The following CTCF variants were observed in gnomAD, a reference collection of about 807,000 sequenced individuals.
CTCF encodes transcriptional repressor CTCF.
Under a neutral mutation model 72.3 loss-of-function variants are expected in CTCF, and 7 were observed. The ratio of observed to expected loss-of-function variants is 0.10; its 90% confidence interval spans 0.06 to 0.18. CTCF has a LOEUF of 0.18. Among genes scored for constraint, CTCF ranks in the 10% least tolerant of loss-of-function variants. The pLI is 1.00. For missense variants in CTCF, 516 were observed against 949.1 expected (o/e 0.54, Z 6.00); for synonymous variants, 374 against 315.8 (o/e 1.18, Z -1.95).
intron 2 of CTCF, among the ~76,000 whole-genome samples, chr16:67,595,470 A>T (rs146703178): frequency 7.9e-5 from 12 of 152,188 alleles, no homozygotes; most frequent in African/African-American, 2.9e-4. Flanking sequence ...AAAGGTTTAG[A>T]TAAGATTAGA....
intron 2 of CTCF, among the ~76,000 whole-genome samples, chr16:67,584,264 G>A (rs2051630126): frequency 6.6e-6 from 1 of 150,844 alleles, no homozygotes; most frequent in East Asian, 2.0e-4. Context: ...GGAGGTTGCA[G>A]TGAGCTGAGA....
intron 2 of CTCF, among the ~76,000 whole-genome samples, chr16:67,604,740 T>G (rs61439082): frequency 0.064 from 8,104 of 125,966 alleles, 398 homozygotes; most frequent in East Asian, 0.24. Flanking sequence ...GTTTTTTTTT[T>G]TTTTGTTTTT....
At chr16:67,626,222 G>A (rs1178041133) in intron 7 of CTCF, among the ~76,000 whole-genome samples, 5 of 151,826 alleles carry the variant, frequency 3.3e-5, no homozygotes, top group Non-Finnish European at 7.4e-5. Flanking sequence ...GGCAGATCAC[G>A]AGGTCAGGAG....
intron 4 of CTCF, among the ~76,000 whole-genome samples, chr16:67,612,884 G>T (rs1175087758): frequency 6.6e-6 from 1 of 152,142 alleles, no homozygotes; most frequent in East Asian, 1.9e-4. Flanking sequence ...ACTGCAATGA[G>T]CTGAGATAGT....
intron 2 of CTCF, among the ~76,000 whole-genome samples, chr16:67,603,796 G>A (rs1442541474): frequency 1.3e-5 from 2 of 149,138 alleles, no homozygotes; most frequent in Admixed American, 6.7e-5. Context: ...CTGCACTTCA[G>A]CCTGGGCAAC....
intron 2 of CTCF, 48 bp downstream of exon 2, chr16:67,571,312 A>G (rs902525103): frequency 6.6e-5 from 10 of 152,472 alleles, no homozygotes; most frequent in African/African-American, 2.4e-4. Context: ...TAGTAATATA[A>G]CCCTCCTGGA....
At chr16:67,562,886 G>A (rs1201541725) in intron 1 of CTCF, among the ~76,000 whole-genome samples, 162 bp downstream of exon 1, 1 of 147,430 alleles carries the variant, frequency 6.8e-6, no homozygotes, top group African/African-American at 2.5e-5. Context: ...GCCATTGCCC[G>A]TCGCCGCCGT....
At chr16:67,584,960 A>G (rs1454538591) in intron 2 of CTCF, among the ~76,000 whole-genome samples, 1 of 152,184 alleles carries the variant, frequency 6.6e-6, no homozygotes, top group Non-Finnish European at 1.5e-5. Flanking sequence ...TGACAGAAAA[A>G]CATGCATCAA....
chr16:67,567,056 G>A (rs1317996207), intron 1 of CTCF, among the ~76,000 whole-genome samples: 2 of 151,880 alleles, frequency 1.3e-5, no homozygotes, highest in African/African-American at 2.4e-5. Flanking sequence ...TGCCTAGGCT[G>A]GTCTCAAACT....
chr16:67,607,271 G>T (rs1030458645), intron 2 of CTCF, among the ~76,000 whole-genome samples: 1 of 150,938 alleles, frequency 6.6e-6, no homozygotes, highest in Non-Finnish European at 1.5e-5. Flanking sequence ...TTTTACTCTT[G>T]TTTAGGTAAT....
At chr16:67,599,750 G>A (rs1302703545) in intron 2 of CTCF, among the ~76,000 whole-genome samples, 5 of 152,316 alleles carry the variant, frequency 3.3e-5, no homozygotes, top group African/African-American at 7.2e-5. Context: ...CAGTCCGGAC[G>A]ACTAAACCAC....
intron 1 of CTCF, among the ~76,000 whole-genome samples, chr16:67,565,955 A>G (rs1395959644): frequency 6.6e-6 from 1 of 152,060 alleles, no homozygotes; most frequent in East Asian, 1.9e-4. Flanking sequence ...GCCAAAAGTC[A>G]CCTCTAGAGA....
intron 2 of CTCF, among the ~76,000 whole-genome samples, chr16:67,590,436 A>G (rs1166668347): frequency 6.6e-6 from 1 of 151,894 alleles, no homozygotes; most frequent in Non-Finnish European, 1.5e-5. Flanking sequence ...TAGAAGAAAC[A>G]TTTTCATTTC....
chr16:67,578,686 G>T (rs575485651), intron 2 of CTCF, among the ~76,000 whole-genome samples: 1 of 151,754 alleles, frequency 6.6e-6, no homozygotes, highest in East Asian at 2.0e-4. Context: ...GGTGTCTCAC[G>T]CCTGTAATCT....
Position 67,610,985 on chromosome 16 carries a change from C to T in CTCF, c.153C>T (p.Val51=). ...PQNQTDGGEV[V]QDVNSSVQMV... ...ACCAGACGGATGGGGGTGAGGTGGTCCAGGATGTCAACAGCAGTGTACAGA... is the reference window on the plus strand; with the variant it reads ...ACCAGACGGATGGGGGTGAGGTGGTTCAGGATGTCAACAGCAGTGTACAGA... The change falls in exon 3 of 12, where the codon GTC becomes GTT. Residue 51 remains valine, a synonymous_variant. Coordinates refer to ENST00000264010, the MANE Select transcript of CTCF (RefSeq NM_006565.4). The T allele has an allele frequency of 6.2e-7, 1 of 1,602,974 alleles. No homozygotes were observed. Among genetic ancestry groups the T allele is most frequent in the Middle Eastern group, 1.7e-4 (1 of 6,020 alleles).
At chr16:67,564,862 T>A (rs556452942) in intron 1 of CTCF, among the ~76,000 whole-genome samples, 15 of 152,356 alleles carry the variant, frequency 9.8e-5, no homozygotes, top group African/African-American at 3.4e-4. Flanking sequence ...TATGCTGTTT[T>A]AGTGGAATAG....
chr16:67,637,199 T>G (rs73597505), intron 11 of CTCF, among the ~76,000 whole-genome samples: 6,659 of 151,920 alleles, frequency 0.044, 486 homozygotes, highest in African/African-American at 0.15. Context: ...ATCGTAAAGG[T>G]TGGAGAGGGA....
At chr16:67,633,143 G>A (rs1329105957) in intron 10 of CTCF, among the ~76,000 whole-genome samples, 1 of 152,220 alleles carries the variant, frequency 6.6e-6, no homozygotes, top group Non-Finnish European at 1.5e-5. Context: ...TGAAGCCTAA[G>A]TGGAAAATGG....
rs556022978 is a variant in CTCF at position 67,591,724 on chromosome 16, G to A, written c.-9-19100G>A. On this transcript the variant is annotated intron_variant, in intron 2 of 11. Coordinates refer to ENST00000264010, the MANE Select transcript of CTCF (RefSeq NM_006565.4). ...AGGAAAAACTGATTACTTTTTTTGG[G>A]GGGGGGCAGTAAGGGCACAGAGTCT... is the stretch of plus-strand genomic sequence containing the variant. 1.8e-3 allele frequency among the ~76,000 whole-genome samples: 274 copies of A among 151,966 alleles called. 1 individual carries two copies. The highest frequency in any genetic ancestry group is 6.2e-3 in the African/African-American group (259 of 41,442).
Sources: gnomAD v4.1 joint callset for allele counts (sites outside exome capture counted in the v4.1 genomes callset) on GRCh38, gnomAD v4.1.1 for gene constraint, MANE v1.5 for transcripts, NCBI Gene and HGNC (gene_info 2026-07-23, HGNC 2026-07-21) for gene names.